Variants in RCAN2 observed in about 807,000 individuals in gnomAD.
RCAN2 encodes regulator of calcineurin 2.
RCAN2 carries 9 observed loss-of-function variants against 23.6 expected under a neutral mutation model. The observed-to-expected ratio is 0.38, with a 90% confidence interval of 0.23 to 0.67. RCAN2 has a LOEUF of 0.67. RCAN2 is among the 30% of genes least tolerant of loss of function. RCAN2 has a pLI of 0.51. For synonymous variants in RCAN2, 109 were observed against 115.7 expected (o/e 0.94, Z 0.37); for missense variants, 273 against 302.3 (o/e 0.90, Z 0.72).
intron 2 of RCAN2, among the ~76,000 whole-genome samples, chr6:46,421,472 A>T (rs1423239295): frequency 6.6e-6 from 1 of 152,232 alleles, no homozygotes; most frequent in Non-Finnish European, 1.5e-5. Flanking sequence ...AGGGTGAAAG[A>T]TAAAGAATTT....
intron 2 of RCAN2, among the ~76,000 whole-genome samples, chr6:46,421,763 C>T (rs989035445): frequency 2.6e-5 from 4 of 152,098 alleles, no homozygotes; most frequent in Admixed American, 1.3e-4. Context: ...TCCATTAGAA[C>T]TCATTAAAAG....
intron 2 of RCAN2, among the ~76,000 whole-genome samples, chr6:46,252,211 A>G (rs1766755445): frequency 6.6e-6 from 1 of 152,158 alleles, no homozygotes; most frequent in Non-Finnish European, 1.5e-5. Flanking sequence ...CCAGATGTAC[A>G]CTGAGGCAAA....
intron 2 of RCAN2, among the ~76,000 whole-genome samples, chr6:46,351,822 G>A (rs956976175): frequency 6.6e-6 from 1 of 152,298 alleles, no homozygotes; most frequent in Non-Finnish European, 1.5e-5. Context: ...AGGAAATTGA[G>A]AGGAAGGTGA....
chr6:46,476,165 G>A (rs1204666148), intron 1 of RCAN2, among the ~76,000 whole-genome samples: 2 of 152,266 alleles, frequency 1.3e-5, no homozygotes, highest in East Asian at 3.9e-4. Flanking sequence ...ATTTTACAGA[G>A]TAGAAAACTG....
chr6:46,331,660 T>A (rs1400247708), intron 2 of RCAN2, among the ~76,000 whole-genome samples: 2 of 152,224 alleles, frequency 1.3e-5, no homozygotes, highest in Admixed American at 1.3e-4. Flanking sequence ...TTGGTAAATA[T>A]TTCAACATAT....
At chr6:46,248,595 C>T (rs2150318198) in intron 3 of RCAN2, 128 bp downstream of exon 3, 1 of 734,786 alleles carries the variant, frequency 1.4e-6, no homozygotes, top group East Asian at 2.9e-5. Flanking sequence ...TGATGTGGGT[C>T]TATTTCTCAG....
At position 46,471,464 on chromosome 6, in the gene RCAN2, TAGG is replaced by T. The variant is rs138957515; in HGVS notation, c.-2-14489_-2-14487del. On this transcript the variant is annotated intron_variant, in intron 1 of 4. Coordinates refer to ENST00000371374, the MANE Select transcript of RCAN2 (RefSeq NM_001251974.2). The stretch of plus-strand genomic sequence containing the variant: ...ATTTGCTGATGGATCGGATATGAGG[TAGG>T]AGAAGATTGAAGAGTAATACCAAGA... 8.4e-4 allele frequency among the ~76,000 whole-genome samples: 127 copies of T among 152,088 alleles called. 2 individuals are homozygous for T. In the East Asian group the frequency reaches 0.02, roughly 24 times the overall value.
chr6:46,304,918 G>A (rs1763016782), intron 2 of RCAN2, among the ~76,000 whole-genome samples: 1 of 152,118 alleles, frequency 6.6e-6, no homozygotes, highest in African/African-American at 2.4e-5. Flanking sequence ...CAAATGACAG[G>A]TGTGTGAACG....
chr6:46,253,706 T>C (rs964925245), intron 2 of RCAN2, among the ~76,000 whole-genome samples: 3 of 152,232 alleles, frequency 2.0e-5, no homozygotes, highest in Non-Finnish European at 2.9e-5. Context: ...CTGTGATGAA[T>C]AGAAATACAG....
intron 2 of RCAN2, among the ~76,000 whole-genome samples, chr6:46,407,793 G>A (rs1411638609): frequency 6.6e-6 from 1 of 152,212 alleles, no homozygotes; most frequent in African/African-American, 2.4e-5. Context: ...GCCTAAAGGT[G>A]AGATTGCATA....
chr6:46,417,729 T>C (rs541405593), intron 2 of RCAN2, among the ~76,000 whole-genome samples: 37 of 152,328 alleles, frequency 2.4e-4, no homozygotes, highest in African/African-American at 7.9e-4. Flanking sequence ...TTGGGGGTAG[T>C]GTATTTCAGA....
chr6:46,389,130 TA>T (rs1465479400), intron 2 of RCAN2, among the ~76,000 whole-genome samples: 6 of 151,794 alleles, frequency 4.0e-5, no homozygotes, highest in African/African-American at 1.2e-4. Context: ...CCTAATTATT[TA>T]AAAGAAAAAA....
intron 2 of RCAN2, among the ~76,000 whole-genome samples, chr6:46,288,917 T>C (rs1762454319): frequency 6.6e-6 from 1 of 152,284 alleles, no homozygotes; most frequent in African/African-American, 2.4e-5. Context: ...ATAAGTATGA[T>C]GTAAATGCAA....
chr6:46,301,231 G>A (rs1762895976), intron 2 of RCAN2, among the ~76,000 whole-genome samples: 1 of 152,008 alleles, frequency 6.6e-6, no homozygotes, highest in African/African-American at 2.4e-5. Flanking sequence ...AAACCCAACA[G>A]GATTCAATAA....
chr6:46,352,364 C>T (rs1396580679), intron 2 of RCAN2, among the ~76,000 whole-genome samples: 2 of 152,110 alleles, frequency 1.3e-5, no homozygotes, highest in African/African-American at 4.8e-5. Flanking sequence ...ATGATTTGTA[C>T]CCAAATCTCT....
intron 2 of RCAN2, among the ~76,000 whole-genome samples, chr6:46,276,811 C>G (rs1180440636): frequency 6.6e-6 from 1 of 152,198 alleles, no homozygotes; most frequent in Non-Finnish European, 1.5e-5. Flanking sequence ...CAGTTTATTT[C>G]CTCTTGATGG....
chr6:46,287,693 T>C (rs1762419185), intron 2 of RCAN2, among the ~76,000 whole-genome samples: 1 of 152,256 alleles, frequency 6.6e-6, no homozygotes, highest in African/African-American at 2.4e-5. Flanking sequence ...TTGTCATAGA[T>C]TTAACCTCTT....
chr6:46,355,707 A>G (rs537111286), intron 2 of RCAN2, among the ~76,000 whole-genome samples: 3 of 152,354 alleles, frequency 2.0e-5, no homozygotes, highest in Non-Finnish European at 4.4e-5. Flanking sequence ...TGGGTTACCT[A>G]AGAAACTAGC....
intron 2 of RCAN2, among the ~76,000 whole-genome samples, chr6:46,449,928 A>G (rs1767826442): frequency 6.6e-6 from 1 of 151,988 alleles, no homozygotes; most frequent in Non-Finnish European, 1.5e-5. Context: ...TTTGGATATG[A>G]CCCCAAAAGC....
Sources: allele counts gnomAD v4.1 joint callset (sites outside exome capture counted in the v4.1 genomes callset), GRCh38; gene constraint gnomAD v4.1.1; transcripts MANE v1.5; gene names NCBI Gene and HGNC (gene_info 2026-07-23, HGNC 2026-07-21).